The following PPP3CA variants were observed in gnomAD, a reference collection of about 807,000 sequenced individuals.
PPP3CA encodes the protein CAM-PRP catalytic subunit.
Under a neutral mutation model 66.5 loss-of-function variants are expected in PPP3CA, and 14 were observed. That is an observed-to-expected ratio of 0.21 (90% confidence interval 0.14 to 0.33). The LOEUF (loss-of-function observed/expected upper bound fraction) is 0.33, where lower values mean the gene tolerates loss of function less well. PPP3CA is among the 10% of genes least tolerant of loss of function. PPP3CA has a pLI of 1.00. For missense variants in PPP3CA, 317 were observed against 639.5 expected (o/e 0.50, Z 5.44); for synonymous variants, 232 against 226.2 (o/e 1.03, Z -0.23).
intron 10 of PPP3CA, among the ~76,000 whole-genome samples, chr4:101,050,933 T>C (rs1727982152): frequency 6.6e-6 from 1 of 152,156 alleles, no homozygotes; most frequent in African/African-American, 2.4e-5. Context: ...TATGTGATCT[T>C]GGTGAATATC....
intron 1 of PPP3CA, among the ~76,000 whole-genome samples, chr4:101,265,346 T>A (rs1055182610): frequency 6.6e-6 from 1 of 152,148 alleles, no homozygotes; most frequent in South Asian, 2.1e-4. Context: ...TGGGCTCAAG[T>A]AATCTTTCCA....
chr4:101,038,971 G>C (rs1361230008), intron 11 of PPP3CA, among the ~76,000 whole-genome samples: 7 of 152,294 alleles, frequency 4.6e-5, no homozygotes, highest in Non-Finnish European at 1.0e-4. Flanking sequence ...AAATTCTAGA[G>C]CTGTTTTTAC....
chr4:101,233,808 C>T (rs576088741), intron 1 of PPP3CA, among the ~76,000 whole-genome samples: 133 of 150,712 alleles, frequency 8.8e-4, no homozygotes, highest in Admixed American at 3.1e-3. Flanking sequence ...ACTCATGTCA[C>T]GAAGGTTTGA....
intron 1 of PPP3CA, among the ~76,000 whole-genome samples, chr4:101,215,526 A>G (rs565273281): frequency 6.6e-6 from 1 of 152,186 alleles, no homozygotes; most frequent in East Asian, 1.9e-4. Context: ...CCAGTTACCA[A>G]GTAAGCAAAA....
chr4:101,204,997 A>G (rs969488600), intron 1 of PPP3CA, among the ~76,000 whole-genome samples: 1 of 150,402 alleles, frequency 6.6e-6, no homozygotes, highest in Non-Finnish European at 1.5e-5. Context: ...TATTACAACA[A>G]TATTTTCAGC....
chr4:101,274,236 G>A lies in PPP3CA; in HGVS notation c.58+72503C>T, dbSNP rs146792354. Among the ~76,000 whole-genome samples the A allele has an allele frequency of 7.6e-4, 116 of 152,250 alleles. No individual in the cohort carries two copies. The South Asian group carries it at 0.015, about 20-fold the overall frequency. ...GGAGAATTACTTGAACCCAGGAGGC[G>A]GAGGTTATAGTGAGCTGAGATTGCA... On this transcript the variant is annotated intron_variant, in intron 1 of 13. Transcript: ENST00000394854.
At chr4:101,261,108 T>C (rs1283697201) in intron 1 of PPP3CA, among the ~76,000 whole-genome samples, 1 of 152,156 alleles carries the variant, frequency 6.6e-6, no homozygotes, top group Non-Finnish European at 1.5e-5. Flanking sequence ...AAACACTTTA[T>C]GTGTATTGCT....
At chr4:101,287,352 A>G (rs1231225602) in intron 1 of PPP3CA, among the ~76,000 whole-genome samples, 1 of 152,220 alleles carries the variant, frequency 6.6e-6, no homozygotes, top group Non-Finnish European at 1.5e-5. Flanking sequence ...TTTATATAAC[A>G]CTTTTAATGT....
At chr4:101,281,065 G>C (rs574887588) in intron 1 of PPP3CA, among the ~76,000 whole-genome samples, 2 of 152,292 alleles carry the variant, frequency 1.3e-5, no homozygotes, top group South Asian at 2.1e-4. Context: ...TTCCGGGAGA[G>C]ACAGTGTGAT....
At chr4:101,180,881 G>T (rs1413420166) in intron 2 of PPP3CA, among the ~76,000 whole-genome samples, 1 of 151,884 alleles carries the variant, frequency 6.6e-6, no homozygotes, top group Admixed American at 6.6e-5. Context: ...ATAAAATTTA[G>T]CAGGGCATGG....
At chr4:101,179,879 A>C (rs1724181155) in intron 2 of PPP3CA, among the ~76,000 whole-genome samples, 1 of 152,132 alleles carries the variant, frequency 6.6e-6, no homozygotes, top group Non-Finnish European at 1.5e-5. Context: ...TTACTGTATT[A>C]ATTTCTGAAG....
intron 1 of PPP3CA, among the ~76,000 whole-genome samples, chr4:101,251,328 T>C (rs989113792): frequency 6.6e-6 from 1 of 152,080 alleles, no homozygotes; most frequent in Non-Finnish European, 1.5e-5. Context: ...ATTGTACTTA[T>C]AAATAAAGGG....
intron 13 of PPP3CA, among the ~76,000 whole-genome samples, chr4:101,028,286 GTATAAT>G (rs1560568363): frequency 2.0e-5 from 3 of 152,146 alleles, no homozygotes; most frequent in African/African-American, 7.2e-5. Context: ...GATATGGTAT[GTATAAT>G]AAATATTAAA....
chr4:101,286,830 C>G (rs1234005985), intron 1 of PPP3CA, among the ~76,000 whole-genome samples: 2 of 152,144 alleles, frequency 1.3e-5, no homozygotes, highest in African/African-American at 2.4e-5. Flanking sequence ...AAGCCTGATC[C>G]TTTATCAAGG....
At chr4:101,054,045 T>G (rs1728121915) in intron 10 of PPP3CA, among the ~76,000 whole-genome samples, 1 of 152,102 alleles carries the variant, frequency 6.6e-6, no homozygotes. Flanking sequence ...TAGGTTAGGC[T>G]TCAATGTTGA....
At chr4:101,327,253 T>C (rs181998360) in intron 1 of PPP3CA, among the ~76,000 whole-genome samples, 1 of 152,300 alleles carries the variant, frequency 6.6e-6, no homozygotes, top group African/African-American at 2.4e-5. Context: ...AATCAAATAT[T>C]GTGACTGAAC....
chr4:101,208,697 A>G (rs1241893458), intron 1 of PPP3CA, among the ~76,000 whole-genome samples: 1 of 152,210 alleles, frequency 6.6e-6, no homozygotes, highest in Non-Finnish European at 1.5e-5. Context: ...TAATTTTAAA[A>G]GATACATGTC....
At chr4:101,296,628 T>C (rs932331108) in intron 1 of PPP3CA, among the ~76,000 whole-genome samples, 1 of 152,158 alleles carries the variant, frequency 6.6e-6, no homozygotes, top group Non-Finnish European at 1.5e-5. Flanking sequence ...TCCTATTAAT[T>C]CTGGTGAGTA....
At chr4:101,043,972 T>C (rs1334485570) in intron 10 of PPP3CA, among the ~76,000 whole-genome samples, 1 of 152,180 alleles carries the variant, frequency 6.6e-6, no homozygotes, top group Non-Finnish European at 1.5e-5. Flanking sequence ...AACCTGACCA[T>C]GGACAGTAAG....
Sources: allele counts gnomAD v4.1 joint callset (sites outside exome capture counted in the v4.1 genomes callset), GRCh38; gene constraint gnomAD v4.1.1; transcripts MANE v1.5; gene names NCBI Gene and HGNC (gene_info 2026-07-23, HGNC 2026-07-21).